The following RGS8 variants were observed in gnomAD, a reference collection of about 807,000 sequenced individuals.
RGS8 encodes the protein regulator of G protein signaling 8.
Under a neutral mutation model 21.7 loss-of-function variants are expected in RGS8, and 8 were observed. That is an observed-to-expected ratio of 0.37 (90% CI 0.22 to 0.66). The LOEUF (loss-of-function observed/expected upper bound fraction) is 0.66, where lower values mean the gene tolerates loss of function less well. RGS8 is among the 30% of genes least tolerant of loss of function. The pLI is 0.59. For synonymous variants in RGS8, 80 were observed against 83.6 expected (o/e 0.96, Z 0.24); for missense variants, 157 against 217.9 (o/e 0.72, Z 1.76).
the RGS8 span, among the ~76,000 whole-genome samples, chr1:182,724,581 G>A: frequency 5.3e-5 from 8 of 151,666 alleles, no homozygotes; most frequent in Admixed American, 1.3e-4. Flanking sequence ...TTTTTGAGAC[G>A]GAGTATTGCT....
upstream of RGS8, among the ~76,000 whole-genome samples, chr1:182,672,604 C>T (rs1411544996): frequency 6.6e-6 from 1 of 152,174 alleles, no homozygotes; most frequent in Non-Finnish European, 1.5e-5. Flanking sequence ...CCTCCTCTGC[C>T]TTCCCAAACA....
At chr1:182,666,965 C>T in exon 4 of RGS8, 1 of 1,613,434 alleles carries the variant, frequency 6.2e-7, no homozygotes, top group Non-Finnish European at 8.5e-7. Context: ...AGTCCTCATC[C>T]CTTTGTTCCT....
chr1:182,671,007 T>A (rs879717167), intron 2 of RGS8, among the ~76,000 whole-genome samples: 19 of 152,256 alleles, frequency 1.2e-4, no homozygotes, highest in Admixed American at 7.8e-4. Flanking sequence ...ACCTTTATTA[T>A]CCTAGAGCCA....
At chr1:182,724,627 G>C in the RGS8 span, among the ~76,000 whole-genome samples, 2 of 151,892 alleles carry the variant, frequency 1.3e-5, no homozygotes, top group Non-Finnish European at 2.9e-5. Context: ...GTGCCATCTC[G>C]GCCCACTGCA....
the RGS8 span, among the ~76,000 whole-genome samples, chr1:182,751,414 A>C: frequency 2.0e-5 from 3 of 152,198 alleles, no homozygotes; most frequent in African/African-American, 7.2e-5. Flanking sequence ...GTCAGGTACC[A>C]GGGTCATGTA....
At chr1:182,673,106 G>A (rs946004987), upstream of RGS8, among the ~76,000 whole-genome samples, 3 of 152,000 alleles carry the variant, frequency 2.0e-5, no homozygotes, top group African/African-American at 7.3e-5. Context: ...CTAAGGTTGA[G>A]TCTACACTCC....
At chr1:182,699,571 T>A in the RGS8 span, among the ~76,000 whole-genome samples, 9 of 152,186 alleles carry the variant, frequency 5.9e-5, no homozygotes, top group Non-Finnish European at 1.3e-4. Context: ...CATAGCTGTG[T>A]CCTTAGAAAC....
At chr1:182,742,067 C>T in the RGS8 span, among the ~76,000 whole-genome samples, 5 of 147,500 alleles carry the variant, frequency 3.4e-5, no homozygotes, top group African/African-American at 1.2e-4. Context: ...CCGGACGGGG[C>T]GGCAGGGCAG....
At chr1:182,719,157 C>T in the RGS8 span, among the ~76,000 whole-genome samples, 1 of 152,196 alleles carries the variant, frequency 6.6e-6, no homozygotes, top group Admixed American at 6.5e-5. Flanking sequence ...CATGCCTTCT[C>T]TATGCACAAA....
upstream of RGS8, chr1:182,672,860 G>A (rs375103445): frequency 2.5e-6 from 4 of 1,613,892 alleles, no homozygotes; most frequent in African/African-American, 4.0e-5. Flanking sequence ...TCCAGAAGGA[G>A]GACTCTCTTC....
chr1:182,679,692 G>A (rs1281091618), intron 1 of RGS8, among the ~76,000 whole-genome samples: 1 of 152,044 alleles, frequency 6.6e-6, no homozygotes, highest in African/African-American at 2.4e-5. Context: ...TAGTCCTTGG[G>A]TTGCTGAACA....
chr1:182,741,858 G>A, the RGS8 span, among the ~76,000 whole-genome samples: 2 of 141,000 alleles, frequency 1.4e-5, no homozygotes, highest in South Asian at 2.3e-4. Context: ...CTCCCGGACG[G>A]GGCGGCTGGC....
At chr1:182,646,448 C>T (rs956020354) in exon 7 of RGS8, 6 of 360,110 alleles carry the variant, frequency 1.7e-5, no homozygotes, top group Admixed American at 4.3e-5. Flanking sequence ...GCCCTCTCAG[C>T]AGAGGTGACC....
rs548814431 is a variant in RGS8, at chr1:182,684,199, T to A, written n.221+157A>T. Among the ~76,000 whole-genome samples the A allele has an allele frequency of 1.4e-4, 21 of 152,292 alleles. No individual in the cohort carries two copies. The highest frequency in any genetic ancestry group is 5.1e-4 in the African/African-American group (21 of 41,572). On this transcript the variant is annotated intron_variant and non_coding_transcript_variant, in intron 1 of 4. Transcript: ENST00000515211. This position sits in a 1 kb window ranked among gnomAD's most constrained non-coding sequence, Gnocchi z 4.2. Reference sequence around the variant, plus strand: ...TGGCGGAGGTGGCGGGCTTAATAGCTCTGAGGAGTCAGAGAGTAAATGGGG... The same window carrying A: ...TGGCGGAGGTGGCGGGCTTAATAGCACTGAGGAGTCAGAGAGTAAATGGGG...
the RGS8 span, among the ~76,000 whole-genome samples, chr1:182,724,213 T>TATATATATATATATGGATA: frequency 1.1e-5 from 1 of 91,782 alleles, no homozygotes; most frequent in Non-Finnish European, 2.3e-5. Flanking sequence ...TATATATATA[T>TATATATATATATATGGATA]ATATATATAT....
At chr1:182,664,848 C>T (rs902678241) in intron 5 of RGS8, among the ~76,000 whole-genome samples, 8 of 152,178 alleles carry the variant, frequency 5.3e-5, no homozygotes, top group Admixed American at 3.9e-4. Context: ...TCTATTCAAA[C>T]GTATTTATTA....
At chr1:182,652,112 A>G (rs1469324839) in intron 5 of RGS8, among the ~76,000 whole-genome samples, 1 of 152,268 alleles carries the variant, frequency 6.6e-6, no homozygotes, top group East Asian at 1.9e-4. Flanking sequence ...AGTGACTTGG[A>G]AAAGCAACTC....
the RGS8 span, among the ~76,000 whole-genome samples, chr1:182,751,504 G>A: frequency 8.5e-5 from 13 of 152,208 alleles, no homozygotes; most frequent in Admixed American, 8.5e-4. Flanking sequence ...GCTCTGAACA[G>A]GAGGAGTGTG....
the RGS8 span, among the ~76,000 whole-genome samples, chr1:182,706,834 A>C: frequency 2.6e-5 from 4 of 152,162 alleles, no homozygotes; most frequent in Non-Finnish European, 5.9e-5. Context: ...AATTCCCCTG[A>C]AGTGGTAACA....
Sources: allele counts gnomAD v4.1 joint callset (sites outside exome capture counted in the v4.1 genomes callset), GRCh38; gene constraint gnomAD v4.1.1; non-coding constraint Gnocchi (gnomAD v3.1); transcripts MANE v1.5; gene names NCBI Gene and HGNC (gene_info 2026-07-23, HGNC 2026-07-21).